The following RALGAPA1 variants were observed in gnomAD, a reference collection of about 807,000 sequenced individuals.
RALGAPA1 encodes ral GTPase-activating protein subunit alpha-1.
In RALGAPA1, 52 loss-of-function variants were observed where a neutral mutation model predicts 269.6. The observed-to-expected ratio is 0.19, with a 90% CI of 0.15 to 0.24. The LOEUF (loss-of-function observed/expected upper bound fraction) is 0.24. Among genes scored for constraint, RALGAPA1 ranks in the 10% least tolerant of loss-of-function variants. RALGAPA1 has a pLI of 1.00. For missense variants in RALGAPA1, 1,917 were observed against 3,013.9 expected, an observed-to-expected ratio of 0.64 and a Z score of 8.52; for synonymous variants, 817 against 1,008.3, an observed-to-expected ratio of 0.81 and a Z score of 3.60.
intron 26 of RALGAPA1, among the ~76,000 whole-genome samples, chr14:35,665,146 A>G (rs1265998799): frequency 6.6e-6 from 1 of 152,208 alleles, no homozygotes; most frequent in Admixed American, 6.5e-5. Context: ...ACTAGATTAT[A>G]TTTATTACCA....
At chr14:35,745,536 C>T (rs769913747) in intron 10 of RALGAPA1, among the ~76,000 whole-genome samples, 4 of 148,732 alleles carry the variant, frequency 2.7e-5, no homozygotes, top group South Asian at 2.1e-4. Context: ...GAGGTTGAGG[C>T]GGGCAGATCA....
At chr14:35,674,812 G>A in intron 22 of RALGAPA1, 103 bp from the exon 23 acceptor site, 2 of 565,142 alleles carry the variant, frequency 3.5e-6, no homozygotes, top group South Asian at 6.5e-5. Flanking sequence ...CTACAGAAAT[G>A]AATAAAAGAA....
intron 11 of RALGAPA1, among the ~76,000 whole-genome samples, chr14:35,738,943 C>T (rs550459645): frequency 1.4e-4 from 21 of 152,256 alleles, no homozygotes; most frequent in African/African-American, 5.1e-4. Context: ...ACCTCCCTTT[C>T]ATACTCTCAC....
At chr14:35,626,039 T>C (rs1014797819) in intron 34 of RALGAPA1, among the ~76,000 whole-genome samples, 4 of 152,152 alleles carry the variant, frequency 2.6e-5, no homozygotes, top group Non-Finnish European at 1.5e-5. Flanking sequence ...TAGAATGCAT[T>C]TATACCATAA....
intron 4 of RALGAPA1, chr14:35,766,876 G>A (rs553814457): frequency 2.3e-6 from 1 of 441,698 alleles, no homozygotes; most frequent in South Asian, 1.8e-5. Flanking sequence ...TTTTTACACA[G>A]GCTGTAAACA....
At chr14:35,554,691 G>C (rs1305267641) in intron 39 of RALGAPA1, among the ~76,000 whole-genome samples, 1 of 152,114 alleles carries the variant, frequency 6.6e-6, no homozygotes, top group African/African-American at 2.4e-5. Context: ...GATTCTTGGG[G>C]GCAGATTTGG....
intron 4 of RALGAPA1, among the ~76,000 whole-genome samples, chr14:35,769,035 AATATATAT>A (rs200538547): frequency 0.03 from 1,751 of 58,234 alleles, 54 homozygotes; most frequent in South Asian, 0.052. Context: ...AAAAAAAAAA[AATATATAT>A]ATATATATAT....
chr14:35,574,584 G>A (rs1193455459), intron 37 of RALGAPA1, among the ~76,000 whole-genome samples: 2 of 152,034 alleles, frequency 1.3e-5, no homozygotes, highest in East Asian at 3.9e-4. Context: ...AATGAGATAT[G>A]ACATTATGAT....
intron 17 of RALGAPA1, among the ~76,000 whole-genome samples, chr14:35,691,711 T>A (rs556532510): frequency 6.6e-6 from 1 of 152,226 alleles, no homozygotes. Context: ...CCTATTTGTA[T>A]GAGGTCCAAA....
rs774971793 is a variant in RALGAPA1, at chr14:35,671,547, T to C, written c.5074-30A>G. The C allele has an allele frequency of 4.0e-6, 5 of 1,265,276 alleles. No homozygotes were observed. The East Asian group carries it at 1.2e-4, about 29-fold the overall frequency. 78.4% of individuals were successfully genotyped at this position (1,265,276 alleles called of 1,614,324 possible). Reference sequence around the variant, plus strand: ...GAATAAGGAAAGAAGGAAAAAAGAATATCACATATGTAATCTTGAGTATCA... The same window carrying C: ...GAATAAGGAAAGAAGGAAAAAAGAACATCACATATGTAATCTTGAGTATCA... On this transcript the variant is annotated intron_variant, in intron 25 of 41. Coordinates refer to ENST00000680220, the MANE Select transcript of RALGAPA1 (RefSeq NM_001346249.2).
chr14:35,611,665 T>G (rs950775347), intron 35 of RALGAPA1, among the ~76,000 whole-genome samples: 6 of 150,318 alleles, frequency 4.0e-5, no homozygotes, highest in Admixed American at 2.0e-4. Context: ...AGCCCAGGAG[T>G]TCCAGGCTGC....
chr14:35,641,312 T>C (rs2062015234), intron 31 of RALGAPA1, among the ~76,000 whole-genome samples: 1 of 152,198 alleles, frequency 6.6e-6, no homozygotes, highest in African/African-American at 2.4e-5. Context: ...TATCCTTGTT[T>C]GCTGACGATA....
At chr14:35,677,902 C>T in intron 22 of RALGAPA1, 48 bp downstream of exon 22, 1 of 1,560,772 alleles carries the variant, frequency 6.4e-7, no homozygotes, top group South Asian at 1.1e-5. Context: ...TCTCCTGACA[C>T]TGACGCCCTA....
At chr14:35,722,802 A>T (rs1309645330) in intron 15 of RALGAPA1, among the ~76,000 whole-genome samples, 1 of 152,214 alleles carries the variant, frequency 6.6e-6, no homozygotes, top group Non-Finnish European at 1.5e-5. Context: ...TAATTATTGT[A>T]CACATTTTAA....
At chr14:35,566,365 T>C (rs1594611351) in intron 39 of RALGAPA1, among the ~76,000 whole-genome samples, 1 of 152,168 alleles carries the variant, frequency 6.6e-6, no homozygotes, top group Non-Finnish European at 1.5e-5. Context: ...TCAGAACATG[T>C]TCCTAGGATA....
chr14:35,593,372 ATAAT>A (rs1403773412), intron 37 of RALGAPA1, among the ~76,000 whole-genome samples: 1 of 152,204 alleles, frequency 6.6e-6, no homozygotes, highest in African/African-American at 2.4e-5. Context: ...TTGGATTGAA[ATAAT>A]TAATATTGTT....
At chr14:35,552,895 CATTAAT>C (rs1168238614) in intron 39 of RALGAPA1, among the ~76,000 whole-genome samples, 2 of 152,042 alleles carry the variant, frequency 1.3e-5, no homozygotes, top group Non-Finnish European at 2.9e-5. Context: ...ATCTGTAATT[CATTAAT>C]ATTAAGTTAA....
chr14:35,782,416 CT>C (rs1291253380), intron 1 of RALGAPA1, among the ~76,000 whole-genome samples: 5 of 151,930 alleles, frequency 3.3e-5, no homozygotes, highest in Non-Finnish European at 5.9e-5. Context: ...TCAATGTACT[CT>C]TTTTTTTCTT....
At chr14:35,728,288 C>T in intron 13 of RALGAPA1, 74 bp downstream of exon 13, 1 of 1,303,862 alleles carries the variant, frequency 7.7e-7, no homozygotes, top group African/African-American at 1.5e-5. Flanking sequence ...TTCACAGACA[C>T]TATTTCTCTA....
Sources: allele counts gnomAD v4.1 joint callset (sites outside exome capture counted in the v4.1 genomes callset), GRCh38; gene constraint gnomAD v4.1.1; transcripts MANE v1.5; gene names NCBI Gene and HGNC (gene_info 2026-07-23, HGNC 2026-07-21).